Variants in UBN2 observed in about 807,000 individuals in gnomAD.
UBN2 encodes the protein ubinuclein-2.
In UBN2, 35 loss-of-function variants were observed where a neutral mutation model predicts 120.2. The ratio of observed to expected loss-of-function variants is 0.29; its 90% confidence interval spans 0.22 to 0.39. The LOEUF (loss-of-function observed/expected upper bound fraction) is 0.39. Among genes scored for constraint, UBN2 ranks in the 10% least tolerant of loss-of-function variants. UBN2 has a pLI of 1.00. For synonymous variants in UBN2, 661 were observed against 648.7 expected (o/e 1.02, Z -0.29); for missense variants, 1,693 against 1,663.2 (o/e 1.02, Z -0.31).
At chr7:139,311,845 T>C (rs147158455), downstream of UBN2, among the ~76,000 whole-genome samples, 566 of 152,360 alleles carry the variant, frequency 3.7e-3, no homozygotes, top group African/African-American at 0.013. Flanking sequence ...CTGGTTCATC[T>C]GAGTGGTCTT....
chr7:139,239,771 G>A (rs2130933497), intron 2 of UBN2, among the ~76,000 whole-genome samples: 1 of 152,102 alleles, frequency 6.6e-6, no homozygotes, highest in Admixed American at 6.5e-5. Context: ...TGGTCAGGCT[G>A]GTCTCGAACT....
Position 139,284,388 on chromosome 7 carries a change from C to A in UBN2, c.3483C>A (p.Asn1161Lys), listed in dbSNP as rs574465642. 3.7e-6 allele frequency: 6 copies of A among 1,614,196 alleles called. No individual in the cohort carries two copies. The East Asian group carries it at 1.3e-4, about 36-fold the overall frequency. The change falls in exon 15 of 18, where the codon AAC becomes AAA. Residue 1161 changes from asparagine to lysine, a missense_variant. This residue lies in a region of UBN2 where 837 missense variants were observed against 817.6 expected (regional missense o/e 1.02). Coordinates refer to ENST00000473989, the MANE Select transcript of UBN2 (RefSeq NM_173569.4). ...CATCCACTGGAACTGTTGGGAAGAA[C>A]AGCTTGAGTGGAATTGCAATGAATG... ...NSSSTGTVGK[N>K]SLSGIAMNVP...
intron 2 of UBN2, among the ~76,000 whole-genome samples, chr7:139,237,616 T>C (rs949652449): frequency 3.3e-5 from 5 of 152,186 alleles, no homozygotes; most frequent in Non-Finnish European, 7.3e-5. Context: ...ATCTCCAATC[T>C]TTGTAACAAA....
chr7:139,269,673 C>G (rs918084023), intron 8 of UBN2, 150 bp downstream of exon 8: 2 of 825,998 alleles, frequency 2.4e-6, no homozygotes, highest in Non-Finnish European at 3.6e-6. Context: ...ATGTTGGATC[C>G]CCTGAAAAAT....
At chr7:139,287,084 T>A (rs1166187771) in intron 15 of UBN2, among the ~76,000 whole-genome samples, 1 of 152,144 alleles carries the variant, frequency 6.6e-6, no homozygotes, top group Non-Finnish European at 1.5e-5. Flanking sequence ...TGGAGATGGA[T>A]GAATAAAGGC....
intron 4 of UBN2, among the ~76,000 whole-genome samples, chr7:139,259,034 C>T (rs1796848651): frequency 6.6e-6 from 1 of 152,170 alleles, no homozygotes; most frequent in African/African-American, 2.4e-5. Context: ...GACTTACTTA[C>T]ACCAGAATCA....
At chr7:139,237,831 G>A (rs959029747) in intron 2 of UBN2, among the ~76,000 whole-genome samples, 2 of 151,940 alleles carry the variant, frequency 1.3e-5, no homozygotes, top group Non-Finnish European at 2.9e-5. Context: ...AAACCTTCCT[G>A]CCTCCTAAGA....
rs1482219617 is a variant in UBN2 at position 139,307,492 on chromosome 7, A to AT, written c.*9656_*9657insT. On this transcript the variant is annotated 3_prime_UTR_variant, in exon 18 of 18. Transcript: ENST00000473989. ...TTTTTGTATTTTAGTAAAAAAAAAA[A>AT]AAAATAAATTTAAATAAAAGGGGGT... 2 of 151,962 alleles carry AT rather than the reference A, an allele frequency of 1.3e-5. No homozygotes were observed. The highest frequency in any genetic ancestry group is 1.3e-4 in the Admixed American group (2 of 15,262). The allele number at this position is 151,962 out of a possible 1,614,324, so 9.4% of individuals were successfully genotyped here. A position where few individuals can be genotyped will look rare whatever the true frequency, so the allele number is the denominator to read the frequency against.
At chr7:139,290,580 C>T (rs1226755221) in intron 15 of UBN2, among the ~76,000 whole-genome samples, 41 of 152,144 alleles carry the variant, frequency 2.7e-4, no homozygotes, top group Non-Finnish European at 5.9e-5. Context: ...TGGGGGAACC[C>T]ATTGGAGAAG....
chr7:139,311,463 T>C (rs1798445945), downstream of UBN2, among the ~76,000 whole-genome samples: 1 of 152,206 alleles, frequency 6.6e-6, no homozygotes, highest in South Asian at 2.1e-4. Flanking sequence ...GACCCCACTG[T>C]GAAGCTGTGT....
Position 139,284,087 on chromosome 7 carries a change from C to T in UBN2, c.3182C>T (p.Pro1061Leu). ...CCCTCGCCTAAGCCTTCTGCCTCAC[C>T]CAAGCCCTCTCTGTCAGCTAAGCCT... ...PLPSPKPSAS[P>L]KPSLSAKPSV... is the part of the protein sequence containing the mutation. The change falls in exon 15 of 18, where the codon CCC (proline) becomes CTC (leucine). Residue 1061 changes from proline to leucine, a missense_variant. Physicochemically the swap from Pro to Leu is moderately conservative, Grantham distance 98. Around this residue, in one of 5 missense-constraint regions of UBN2, gnomAD observed 837 missense variants for 817.6 expected, o/e 1.02. Coordinates refer to ENST00000473989, the MANE Select transcript of UBN2 (RefSeq NM_173569.4). The T allele has an allele frequency of 1.2e-6, 2 of 1,614,158 alleles. No homozygotes were observed. Among genetic ancestry groups the T allele is most frequent in the Non-Finnish European group, 8.5e-7 (1 of 1,180,040 alleles).
intron 15 of UBN2, among the ~76,000 whole-genome samples, chr7:139,289,316 G>GAA (rs1173782157): frequency 6.6e-6 from 1 of 151,850 alleles, no homozygotes; most frequent in African/African-American, 2.4e-5. Flanking sequence ...GAAGTTACTT[G>GAA]AAAGTGTAAA....
downstream of UBN2, among the ~76,000 whole-genome samples, chr7:139,311,587 C>T (rs1243905967): frequency 2.0e-5 from 3 of 151,796 alleles, no homozygotes; most frequent in Non-Finnish European, 4.4e-5. Context: ...GCACCTAGCA[C>T]AGTGCCTAGC....
At position 139,276,134 on chromosome 7, in the gene UBN2, C is replaced by G. The variant is rs1231224633; in HGVS notation, c.2011C>G (p.Leu671Val). Residue 671 changes from leucine (L) to valine (V), a missense_variant, in exon 12 of 18, where the codon CTT (leucine) becomes GTT (valine). Around this residue, in one of 5 missense-constraint regions of UBN2, gnomAD observed 837 missense variants for 817.6 expected, o/e 1.02. Transcript: ENST00000473989. Reference sequence around the variant, plus strand: ...GGAAAGCCGGAGTGTTCATAATCATCTTACTTCTGCTCCGTGAGTAAATGC... The same window carrying G: ...GGAAAGCCGGAGTGTTCATAATCATGTTACTTCTGCTCCGTGAGTAAATGC... ...FKESRSVHNHLTSAPAKKKVI... is the reference protein window; with the variant it reads ...FKESRSVHNHVTSAPAKKKVI... 13 of 1,613,502 alleles carry G rather than the reference C, an allele frequency of 8.1e-6. No homozygotes were observed. The highest frequency in any genetic ancestry group is 1.3e-5 in the African/African-American group (1 of 74,908).
At chr7:139,326,903 T>C in the UBN2 span, among the ~76,000 whole-genome samples, 231 of 152,348 alleles carry the variant, frequency 1.5e-3, 1 homozygote, top group Non-Finnish European at 3.0e-3. Flanking sequence ...GAACCAGATC[T>C]GTGGCAGGAT....
chr7:139,309,297 G>A (rs1226568469), downstream of UBN2, among the ~76,000 whole-genome samples: 1 of 152,182 alleles, frequency 6.6e-6, no homozygotes, highest in East Asian at 1.9e-4. Context: ...TTTTCAGTGT[G>A]TTGTCATGAA....
rs959424750 is a variant in UBN2, at chr7:139,303,819, G to A, written c.*5983G>A. On this transcript the variant is annotated 3_prime_UTR_variant, in exon 18 of 18. Coordinates refer to ENST00000473989, the MANE Select transcript of UBN2 (RefSeq NM_173569.4). Reference sequence around the variant, plus strand: ...TTTGTTATTTAAACATTATCTTTGAGGTGGGATAAAATGTTTAGTTTCAGG... The same window carrying A: ...TTTGTTATTTAAACATTATCTTTGAAGTGGGATAAAATGTTTAGTTTCAGG... 1.3e-5 allele frequency: 2 copies of A among 152,090 alleles called. No homozygotes were observed. The highest frequency in any genetic ancestry group is 4.8e-5 in the African/African-American group (2 of 41,396). 9.4% of individuals were successfully genotyped at this position (152,090 alleles called of 1,614,324 possible). A position where few individuals can be genotyped will look rare whatever the true frequency, so the allele number is the denominator to read the frequency against.
At chr7:139,282,883 T>C in intron 14 of UBN2, 141 bp from the exon 15 acceptor site, 1 of 774,758 alleles carries the variant, frequency 1.3e-6, no homozygotes, top group Non-Finnish European at 2.0e-6. Context: ...TCTCAAAAAT[T>C]ATTTTTGTTT....
At chr7:139,247,437 A>G (rs552124757) in intron 2 of UBN2, among the ~76,000 whole-genome samples, 1 of 152,224 alleles carries the variant, frequency 6.6e-6, no homozygotes, top group Non-Finnish European at 1.5e-5. Flanking sequence ...AACTAAAAAA[A>G]TGACCCTATA....
Sources: gnomAD v4.1 joint callset for allele counts (sites outside exome capture counted in the v4.1 genomes callset) on GRCh38, gnomAD v4.1.1 for gene constraint, gnomAD v4.1.1 regional missense constraint, MANE v1.5 for transcripts, NCBI Gene and HGNC (gene_info 2026-07-23, HGNC 2026-07-21) for gene names.